The following VTCN1 variants were observed in gnomAD, a reference collection of about 807,000 sequenced individuals.
VTCN1 encodes V-set domain containing T cell activation inhibitor 1.
VTCN1 carries 26 observed loss-of-function variants against 26.5 expected under a neutral mutation model. The observed-to-expected ratio is 0.98, with a 90% CI of 0.72 to 1.36. VTCN1 has a LOEUF of 1.36. Ranked by LOEUF, VTCN1 falls within the 40% of genes most tolerant of loss-of-function variation. The pLI is 0.00. For synonymous variants in VTCN1, 116 were observed against 130.7 expected, an observed-to-expected ratio of 0.89 and a Z score of 0.77; for missense variants, 298 against 337.7, an observed-to-expected ratio of 0.88 and a Z score of 0.92.
chr1:117,172,937 C>T (rs1653000333), intron 1 of VTCN1, among the ~76,000 whole-genome samples: 1 of 152,160 alleles, frequency 6.6e-6, no homozygotes, highest in Non-Finnish European at 1.5e-5. Context: ...AAGCTGGGCA[C>T]CCCAGACAGC....
At chr1:117,154,476 G>C (rs1651961963) in intron 3 of VTCN1, among the ~76,000 whole-genome samples, 1 of 152,186 alleles carries the variant, frequency 6.6e-6, no homozygotes, top group Non-Finnish European at 1.5e-5. Context: ...TAACCAATGT[G>C]CATTAGTCAA....
chr1:117,168,416 T>C (rs1652722865), intron 2 of VTCN1, among the ~76,000 whole-genome samples: 1 of 152,202 alleles, frequency 6.6e-6, no homozygotes, highest in African/African-American at 2.4e-5. Context: ...TAACTTGAGA[T>C]GGTTTGCAGA....
rs1004635145 is a variant in VTCN1, at chr1:117,147,153, G to T, written c.*45+460C>A. 3.9e-5 allele frequency among the ~76,000 whole-genome samples: 6 copies of T among 152,242 alleles called. No individual in the cohort carries two copies. The Middle Eastern group carries it at 0.01, about 259-fold the overall frequency. ...TATCCTAACAATAATTGGAGCCAGAGGACTGAAGTGAGAAGGAAATCTCAG... is the reference window on the plus strand; with the variant it reads ...TATCCTAACAATAATTGGAGCCAGATGACTGAAGTGAGAAGGAAATCTCAG... On this transcript the variant is annotated intron_variant, in intron 5 of 5. Coordinates refer to ENST00000369458, the MANE Select transcript of VTCN1 (RefSeq NM_024626.4). This position sits in a 1 kb window ranked among gnomAD's most constrained non-coding sequence, Gnocchi z 4.6.
At chr1:117,191,411 T>G (rs1648239100) in intron 1 of VTCN1, among the ~76,000 whole-genome samples, 1 of 152,168 alleles carries the variant, frequency 6.6e-6, no homozygotes, top group African/African-American at 2.4e-5. Context: ...CTCAGCACTT[T>G]CGGAGGCCAA....
chr1:117,191,697 G>A (rs1036181381), intron 1 of VTCN1, among the ~76,000 whole-genome samples: 7 of 152,256 alleles, frequency 4.6e-5, no homozygotes, highest in South Asian at 4.1e-4. Context: ...CAGGAGAATC[G>A]CTTGAACCCA....
chr1:117,165,398 A>C (rs983317815), intron 2 of VTCN1, among the ~76,000 whole-genome samples: 2 of 152,202 alleles, frequency 1.3e-5, no homozygotes, highest in Non-Finnish European at 2.9e-5. Context: ...TCATGTTGAA[A>C]TATAATCCCC....
rs10657719 is a variant in VTCN1 at position 117,178,588 on chromosome 1, G to GT, written c.33-8418dup. Among the ~76,000 whole-genome samples, 383 of 88,236 alleles carry GT rather than the reference G, an allele frequency of 4.3e-3. 15 individuals carry two copies. The highest frequency in any genetic ancestry group is 0.013 in the Middle Eastern group (1 of 76). 57.9% of individuals were successfully genotyped at this position (88,236 alleles called of 152,430 possible). ...TTCAGTGTTTTCTTTTCTTTCTTTC[G>GT]TTTTTTTTTTTTTTTTTTTTTTAGA... On this transcript the variant is annotated intron_variant, in intron 1 of 5. Coordinates refer to ENST00000369458, the MANE Select transcript of VTCN1 (RefSeq NM_024626.4).
intron 1 of VTCN1, among the ~76,000 whole-genome samples, chr1:117,210,037 C>T (rs971840520): frequency 1.3e-5 from 2 of 152,194 alleles, no homozygotes; most frequent in Admixed American, 1.3e-4. Flanking sequence ...AAACACTGTC[C>T]TGAGTTGTGA....
At chr1:117,180,915 T>C (rs1468694302) in intron 1 of VTCN1, among the ~76,000 whole-genome samples, 1 of 152,144 alleles carries the variant, frequency 6.6e-6, no homozygotes, top group African/African-American at 2.4e-5. Flanking sequence ...CTGCTATTCC[T>C]CCCCTTATCC....
Position 117,144,910 on chromosome 1 carries a change from A to T in VTCN1, c.*361T>A, listed in dbSNP as rs936989526. 1.3e-5 allele frequency: 2 copies of T among 152,634 alleles called. No homozygotes were observed. The highest frequency in any genetic ancestry group is 4.8e-5 in the African/African-American group (2 of 41,444). 9.5% of individuals were successfully genotyped at this position (152,634 alleles called of 1,614,324 possible). ...TATAACTAAAAATTCAGAGACAAAG[A>T]ACATGCACTATCCTGTCCTCTCACT... is the stretch of plus-strand genomic sequence containing the variant. On this transcript the variant is annotated 3_prime_UTR_variant, in exon 6 of 6. Transcript: ENST00000369458.
chr1:117,173,154 G>T, intron 1 of VTCN1: 1 of 715,306 alleles, frequency 1.4e-6, no homozygotes, highest in South Asian at 1.5e-5. Context: ...AAACAACTCC[G>T]GACGCGCCAC....
At position 117,146,899 on chromosome 1, in the gene VTCN1, G is replaced by A. The variant is rs1391693979; in HGVS notation, c.*45+714C>T. ...TTCAAAACCAGTCGGGGTGTGAGAT[G>A]ATGAAGGCTGGATTAGGGTCAATCT... On this transcript the variant is annotated intron_variant, in intron 5 of 5. Transcript: ENST00000369458. This position sits in a 1 kb window ranked among gnomAD's most constrained non-coding sequence, Gnocchi z 4.2. Among the ~76,000 whole-genome samples the A allele has an allele frequency of 1.3e-5, 2 of 152,152 alleles. No individual in the cohort carries two copies. The highest frequency in any genetic ancestry group is 2.9e-5 in the Non-Finnish European group (2 of 68,016).
At chr1:117,206,138 T>C (rs1159079106) in intron 1 of VTCN1, among the ~76,000 whole-genome samples, 4 of 103,488 alleles carry the variant, frequency 3.9e-5, no homozygotes. Context: ...TGGTGGACTT[T>C]ATTATTATCA....
At chr1:117,202,469 C>A (rs1179918685) in intron 1 of VTCN1, among the ~76,000 whole-genome samples, 1 of 151,954 alleles carries the variant, frequency 6.6e-6, no homozygotes, top group African/African-American at 2.4e-5. Context: ...GAAGTGAAGA[C>A]AAGATAAGAA....
chr1:117,179,407 T>A (rs997138368), intron 1 of VTCN1, among the ~76,000 whole-genome samples: 1 of 152,232 alleles, frequency 6.6e-6, no homozygotes, highest in African/African-American at 2.4e-5. Flanking sequence ...TGAAGAAGAC[T>A]AAATATAGTG....
intron 1 of VTCN1, among the ~76,000 whole-genome samples, chr1:117,178,345 C>T (rs1277442121): frequency 2.0e-5 from 3 of 150,746 alleles, no homozygotes; most frequent in African/African-American, 7.3e-5. Flanking sequence ...CAACCTCCAC[C>T]TCCTGAGTTC....
intron 2 of VTCN1, among the ~76,000 whole-genome samples, chr1:117,162,946 A>G (rs949148429): frequency 1.3e-5 from 2 of 152,252 alleles, no homozygotes; most frequent in Non-Finnish European, 2.9e-5. Context: ...TCAGAAAGAC[A>G]GGTTCGTACA....
In VTCN1 at chr1:117,175,780, T is replaced by C. The variant is rs917824352; in HGVS notation, c.33-5609A>G. Among the ~76,000 whole-genome samples, 1 of 151,226 alleles carries C rather than the reference T, an allele frequency of 6.6e-6. No homozygotes were observed. Among genetic ancestry groups the C allele is most frequent in the African/African-American group, 2.4e-5 (1 of 40,986 alleles). On this transcript the variant is annotated intron_variant, in intron 1 of 5. Transcript: ENST00000369458. The surrounding 1 kb of genome is among the most constrained non-coding windows in gnomAD (Gnocchi z 4.2). ...ATCTCTCTCTCTCTCTCTCTTTTTT[T>C]TTTTTTTTGAGATGGAGTTTCACTC...
Position 117,144,902 on chromosome 1 carries a change from A to G in VTCN1, c.*369T>C, listed in dbSNP as rs1186012423. 5 of 152,622 alleles carry G rather than the reference A, an allele frequency of 3.3e-5. No individual in the cohort carries two copies. Among genetic ancestry groups the G allele is most frequent in the African/African-American group, 4.8e-5 (2 of 41,442 alleles). The allele number at this position is 152,622 out of a possible 1,614,324, so 9.5% of individuals were successfully genotyped here. A position where few individuals can be genotyped will look rare whatever the true frequency, so the allele number is the denominator to read the frequency against. ...ACAGCACATATAACTAAAAATTCAG[A>G]GACAAAGAACATGCACTATCCTGTC... On this transcript the variant is annotated 3_prime_UTR_variant, in exon 6 of 6. Transcript: ENST00000369458.
Sources: gnomAD v4.1 joint callset for allele counts (sites outside exome capture counted in the v4.1 genomes callset) on GRCh38, gnomAD v4.1.1 for gene constraint, Gnocchi (gnomAD v3.1) non-coding constraint, MANE v1.5 for transcripts, NCBI Gene and HGNC (gene_info 2026-07-23, HGNC 2026-07-21) for gene names.